AKAP10: variants seen among roughly 807,000 people sequenced by gnomAD.
The protein encoded by AKAP10 is A-kinase anchoring protein 10, also known as A-kinase anchor protein 10, mitochondrial.
In AKAP10, 24 loss-of-function variants were observed where a neutral mutation model predicts 80.8. The ratio of observed to expected loss-of-function variants is 0.30; its 90% confidence interval spans 0.22 to 0.42. The LOEUF (loss-of-function observed/expected upper bound fraction) is 0.42. Among genes scored for constraint, AKAP10 ranks in the 10% least tolerant of loss-of-function variants. The probability of loss-of-function intolerance (pLI) is 1.00; values close to 1 mark genes in which losing one functional copy is unlikely to be tolerated. For missense variants in AKAP10, 661 were observed against 794.9 expected (o/e 0.83, Z 2.03); for synonymous variants, 291 against 277.7 (o/e 1.05, Z -0.48).
chr17:19,922,729 T>A (rs1383324803), intron 11 of AKAP10, among the ~76,000 whole-genome samples: 2 of 152,018 alleles, frequency 1.3e-5, no homozygotes, highest in Non-Finnish European at 2.9e-5. Flanking sequence ...TGAAACCCCA[T>A]CTCTACTAAA....
At chr17:19,947,673 A>C (rs998973252) in intron 4 of AKAP10, among the ~76,000 whole-genome samples, 168 bp from the exon 5 acceptor site, 3 of 152,178 alleles carry the variant, frequency 2.0e-5, no homozygotes, top group Non-Finnish European at 4.4e-5. Flanking sequence ...GGAGAGTTAC[A>C]TGGGGGTGTT....
chr17:19,946,376 G>C (rs1326346200), intron 5 of AKAP10, among the ~76,000 whole-genome samples: 3 of 134,448 alleles, frequency 2.2e-5, no homozygotes, highest in Non-Finnish European at 4.7e-5. Context: ...CAGCAGTTAA[G>C]GTATGTGAGG....
chr17:19,918,887 T>C (rs1040696895), intron 12 of AKAP10, among the ~76,000 whole-genome samples: 2 of 152,176 alleles, frequency 1.3e-5, no homozygotes, highest in African/African-American at 4.8e-5. Flanking sequence ...AAATGAACAA[T>C]TTGAATTTTG....
chr17:19,977,137 CAA>C (rs148281537), intron 1 of AKAP10, among the ~76,000 whole-genome samples: 1,813 of 152,218 alleles, frequency 0.012, 25 homozygotes, highest in African/African-American at 0.041. Context: ...CCCCTCCCCC[CAA>C]AGAGGAAATT....
At position 19,961,025 on chromosome 17, in the gene AKAP10, TAAACAAACAAAC is replaced by T. The variant is rs113388174; in HGVS notation, c.319+1803_319+1814del. ...CTGTGAGACTCCGTCTACAAATAAA[TAAACAAACAAAC>T]AAACAAACAAACAAACTGCCTAGGC... On this transcript the variant is annotated intron_variant, in intron 3 of 14. Transcript: ENST00000225737. Among the ~76,000 whole-genome samples, 382 of 146,570 alleles carry T rather than the reference TAAACAAACAAAC, an allele frequency of 2.6e-3. 1 individual carries two copies. Among genetic ancestry groups the T allele is most frequent in the African/African-American group, 9.4e-3 (359 of 38,136 alleles).
At chr17:19,942,483 A>G (rs1287544537) in intron 5 of AKAP10, among the ~76,000 whole-genome samples, 1 of 152,164 alleles carries the variant, frequency 6.6e-6, no homozygotes, top group Non-Finnish European at 1.5e-5. Flanking sequence ...GGATACAAAC[A>G]CCTTTTTCTG....
At chr17:19,969,688 T>C (rs1009832488) in intron 1 of AKAP10, among the ~76,000 whole-genome samples, 1 of 152,180 alleles carries the variant, frequency 6.6e-6, no homozygotes, top group Non-Finnish European at 1.5e-5. Context: ...AGTATCTGGA[T>C]GAAGTCAATA....
chr17:19,934,189 G>A (rs945416359), intron 9 of AKAP10, among the ~76,000 whole-genome samples: 1 of 152,106 alleles, frequency 6.6e-6, no homozygotes, highest in African/African-American at 2.4e-5. Context: ...CCAAAGTGCT[G>A]GGATTACAGA....
intron 5 of AKAP10, among the ~76,000 whole-genome samples, chr17:19,944,425 G>A (rs181717373): frequency 4.7e-4 from 71 of 152,236 alleles, no homozygotes; most frequent in African/African-American, 1.7e-3. Flanking sequence ...GCCAAGGTGA[G>A]TAGATCATGA....
rs148490937 is a variant in AKAP10, at chr17:19,934,506, C to G, written c.1467+1780G>C. ...GGAACTATAGGTGCATGCCACTACGCCCAGCTAATTTTTGATACTGCTCTC... is the reference window on the plus strand; with the variant it reads ...GGAACTATAGGTGCATGCCACTACGGCCAGCTAATTTTTGATACTGCTCTC... On this transcript the variant is annotated intron_variant, in intron 9 of 14. Transcript: ENST00000225737. Among the ~76,000 whole-genome samples, 1,157 of 152,158 alleles carry G rather than the reference C, an allele frequency of 7.6e-3. 15 individuals are homozygous for G. The highest frequency in any genetic ancestry group is 0.026 in the African/African-American group (1,098 of 41,520).
chr17:19,947,795 T>G (rs978123092), intron 4 of AKAP10, among the ~76,000 whole-genome samples: 1 of 152,192 alleles, frequency 6.6e-6, no homozygotes, highest in Non-Finnish European at 1.5e-5. Flanking sequence ...CAGGATCTAC[T>G]CTGAGGCACT....
intron 4 of AKAP10, among the ~76,000 whole-genome samples, chr17:19,952,126 TAAATTTACCAAC>T (rs1279696906): frequency 6.7e-6 from 1 of 149,616 alleles, no homozygotes; most frequent in Non-Finnish European, 1.5e-5. Flanking sequence ...TTAAAATAAT[TAAATTTACCAAC>T]AAAAACCCTG....
At chr17:19,953,129 T>C (rs1293760936) in intron 4 of AKAP10, among the ~76,000 whole-genome samples, 1 of 152,076 alleles carries the variant, frequency 6.6e-6, no homozygotes. Flanking sequence ...AAGTCTCCAA[T>C]TGCTTGCAAA....
intron 1 of AKAP10, 85 bp from the exon 2 acceptor site, chr17:19,968,546 CTAAGA>C (rs1466681965): frequency 3.6e-6 from 4 of 1,115,978 alleles, no homozygotes; most frequent in Non-Finnish European, 5.4e-6. Flanking sequence ...CAGCTTTATT[CTAAGA>C]TGAGTATTCA....
rs764007837 is a variant in AKAP10 at position 19,939,846 on chromosome 17, T to C, written c.1189A>G (p.Met397Val). Reference protein sequence around the residue: ...ESALFYFSEYMEKEDAVNILQ... With the variant: ...ESALFYFSEYVEKEDAVNILQ... ...ATATTCACTGCATCCTCTTTTTCCA[T>C]GTACTAGGAAGAAAAAATACACAAG... Residue 397 changes from methionine (M) to valine (V), a missense_variant, in exon 8 of 15, where the codon ATG becomes GTG. Coordinates refer to ENST00000225737, the MANE Select transcript of AKAP10 (RefSeq NM_007202.4). 2.5e-6 allele frequency: 4 copies of C among 1,611,150 alleles called. No homozygotes were observed. The highest frequency in any genetic ancestry group is 2.2e-5 in the East Asian group (1 of 44,820).
chr17:19,956,027 C>A (rs995876652), intron 4 of AKAP10, among the ~76,000 whole-genome samples: 3 of 152,124 alleles, frequency 2.0e-5, no homozygotes, highest in Admixed American at 1.3e-4. Context: ...CAGTAGTATT[C>A]TGGAATTCAG....
intron 14 of AKAP10, among the ~76,000 whole-genome samples, chr17:19,907,480 C>T (rs1385152710): frequency 2.0e-5 from 3 of 148,922 alleles, no homozygotes; most frequent in Non-Finnish European, 4.4e-5. Context: ...GGCACAATCT[C>T]GGCTTACTGC....
In AKAP10 at chr17:19,963,001, G is replaced by T. The variant is rs1189191295; in HGVS notation, c.158C>A (p.Pro53Gln). ...SIKASISVHS[P>Q]QKSTKNHALL... ...GGCATGATTTTTAGTGCTTTTTTGT[G>T]GGGAATGTACGGATATTGAAGCTAT... is the stretch of plus-strand genomic sequence containing the variant. Residue 53 changes from proline to glutamine, a missense_variant, in exon 3 of 15, where the codon CCA (proline) becomes CAA (glutamine). Transcript: ENST00000225737. 9 of 1,612,140 alleles carry T rather than the reference G, an allele frequency of 5.6e-6. No individual in the cohort carries two copies. The highest frequency in any genetic ancestry group is 2.7e-5 in the African/African-American group (2 of 74,770).
Position 19,958,160 on chromosome 17 carries a change from C to T in AKAP10, c.731G>A (p.Ser244Asn), listed in dbSNP as rs751161113. The T allele has an allele frequency of 5.6e-6, 9 of 1,614,044 alleles. No individual in the cohort carries two copies. Among genetic ancestry groups the T allele is most frequent in the African/African-American group, 1.3e-5 (1 of 74,902 alleles). The stretch of plus-strand genomic sequence containing the variant: ...CATTTCAAGACGGAGAGAATGGGCA[C>T]TGTCACATTCCTGGGAAAGCAGCAA... Reference protein sequence around the residue: ...NHLLLSQECDSAHSLRLEMAR... With the variant: ...NHLLLSQECDNAHSLRLEMAR... The change falls in exon 4 of 15, where the codon AGT becomes AAT. Residue 244 changes from serine (S) to asparagine (N), a missense_variant. Physicochemically the swap from Ser to Asn is conservative, Grantham distance 46. Transcript: ENST00000225737.
Sources: gnomAD v4.1 joint callset for allele counts (sites outside exome capture counted in the v4.1 genomes callset) on GRCh38, gnomAD v4.1.1 for gene constraint, MANE v1.5 for transcripts, NCBI Gene and HGNC (gene_info 2026-07-23, HGNC 2026-07-21) for gene names.